The following FUT8 variants were observed in gnomAD, a reference collection of about 807,000 sequenced individuals.
FUT8 encodes the protein fucosyltransferase 8.
FUT8 carries 29 observed loss-of-function variants against 71.3 expected under a neutral mutation model. The observed-to-expected ratio is 0.41, with a 90% CI of 0.30 to 0.55. The LOEUF (loss-of-function observed/expected upper bound fraction) is 0.55, where lower values mean the gene tolerates loss of function less well. Ranked by LOEUF, FUT8 falls within the 20% of genes least tolerant of loss-of-function variation. The pLI, the probability that FUT8 is intolerant of heterozygous loss-of-function variation, is 0.34. For synonymous variants in FUT8, 254 were observed against 239.3 expected (o/e 1.06, Z -0.57); for missense variants, 544 against 702.1 (o/e 0.77, Z 2.55).
intron 3 of FUT8, among the ~76,000 whole-genome samples, chr14:65,596,959 A>G (rs1888013433): frequency 3.3e-5 from 5 of 152,232 alleles, no homozygotes. Flanking sequence ...TTTGAGGGCT[A>G]TACCATAAAA....
chr14:65,471,845 A>G (rs1349958184), intron 2 of FUT8, among the ~76,000 whole-genome samples: 1 of 151,460 alleles, frequency 6.6e-6, no homozygotes, highest in Non-Finnish European at 1.5e-5. Context: ...ACCATTTTTG[A>G]TGCTTTTGTA....
chr14:65,712,153 A>G (rs1894837776), intron 7 of FUT8, among the ~76,000 whole-genome samples: 1 of 152,160 alleles, frequency 6.6e-6, no homozygotes, highest in East Asian at 1.9e-4. Flanking sequence ...AGTACATTTT[A>G]TGGTAGTGAA....
At chr14:65,490,946 T>C (rs1040582700) in intron 2 of FUT8, among the ~76,000 whole-genome samples, 1 of 152,168 alleles carries the variant, frequency 6.6e-6, no homozygotes, top group Non-Finnish European at 1.5e-5. Context: ...CAGAATCTGG[T>C]TCAAAATTGT....
intron 7 of FUT8, among the ~76,000 whole-genome samples, chr14:65,687,730 T>C (rs1157671387): frequency 6.9e-6 from 1 of 145,216 alleles, no homozygotes; most frequent in Non-Finnish European, 1.5e-5. Flanking sequence ...GTGCCAGCCA[T>C]GACTTATTCT....
At chr14:65,392,856 A>C in the FUT8 span, among the ~76,000 whole-genome samples, 223 of 152,358 alleles carry the variant, frequency 1.5e-3, 2 homozygotes, top group African/African-American at 5.1e-3. Flanking sequence ...ATAAAAATGC[A>C]GAACACCCAG....
At chr14:65,404,017 C>T in the FUT8 span, among the ~76,000 whole-genome samples, 1 of 151,818 alleles carries the variant, frequency 6.6e-6, no homozygotes, top group South Asian at 2.1e-4. Flanking sequence ...CCTGCCTCAA[C>T]CTCTTGAGTA....
intron 2 of FUT8, among the ~76,000 whole-genome samples, chr14:65,555,713 C>T (rs1314600486): frequency 1.3e-5 from 2 of 152,278 alleles, no homozygotes; most frequent in East Asian, 3.9e-4. Context: ...ACATTACAGT[C>T]TTCTTTGACC....
rs191280372 is a variant in FUT8, at chr14:65,499,483, T to C, written c.-228+43765T>C. Among the ~76,000 whole-genome samples, 18 of 152,190 alleles carry C rather than the reference T, an allele frequency of 1.2e-4. 1 individual carries two copies. In the South Asian group the frequency reaches 1.9e-3, roughly 16 times the overall value. Reference sequence around the variant, plus strand: ...TGCCATAACTAATTATTAATAAATATCTACTTTATAGGTGTGTTGATGATT... The same window carrying C: ...TGCCATAACTAATTATTAATAAATACCTACTTTATAGGTGTGTTGATGATT... On this transcript the variant is annotated intron_variant, in intron 2 of 10. Coordinates refer to ENST00000673929, the MANE Select transcript of FUT8 (RefSeq NM_001371533.1).
chr14:65,596,650 G>A (rs1887997089), intron 3 of FUT8, among the ~76,000 whole-genome samples: 1 of 152,152 alleles, frequency 6.6e-6, no homozygotes, highest in South Asian at 2.1e-4. Context: ...CTTTAGGGTA[G>A]CATAAGAAGA....
chr14:65,604,196 A>G (rs953493787), intron 3 of FUT8, among the ~76,000 whole-genome samples: 2 of 151,922 alleles, frequency 1.3e-5, no homozygotes, highest in Non-Finnish European at 2.9e-5. Flanking sequence ...CAGGTCATCA[A>G]GACAGAAAGT....
At chr14:65,696,050 C>T (rs1198172668) in intron 7 of FUT8, among the ~76,000 whole-genome samples, 1 of 152,112 alleles carries the variant, frequency 6.6e-6, no homozygotes, top group Non-Finnish European at 1.5e-5. Flanking sequence ...TCTCTCCCAT[C>T]CCGTAAAGCA....
chr14:65,409,711 G>A (rs572859135), upstream of FUT8, among the ~76,000 whole-genome samples: 3 of 152,122 alleles, frequency 2.0e-5, no homozygotes, highest in Non-Finnish European at 4.4e-5. The surrounding 1 kb of genome is among the most constrained non-coding windows in gnomAD (Gnocchi z 5.4). Context: ...TTCTTGCCCC[G>A]GGACACCCGA....
intron 1 of FUT8, among the ~76,000 whole-genome samples, chr14:65,423,362 C>T (rs568365640): frequency 2.0e-5 from 3 of 150,956 alleles, no homozygotes; most frequent in Admixed American, 6.6e-5. Flanking sequence ...CCCAGGTTCA[C>T]GCCATTCTCC....
intron 3 of FUT8, among the ~76,000 whole-genome samples, chr14:65,614,602 G>A (rs184392075): frequency 6.6e-6 from 1 of 152,234 alleles, no homozygotes; most frequent in Admixed American, 6.5e-5. Flanking sequence ...TTGTTCGTTC[G>A]TTTGCCTTTT....
intron 2 of FUT8, among the ~76,000 whole-genome samples, chr14:65,538,878 G>A (rs778396723): frequency 6.6e-6 from 1 of 152,082 alleles, no homozygotes; most frequent in Non-Finnish European, 1.5e-5. Flanking sequence ...CCAAGATCGC[G>A]CCATTGCACT....
chr14:65,589,932 A>T (rs937111076), intron 3 of FUT8, among the ~76,000 whole-genome samples: 1 of 152,226 alleles, frequency 6.6e-6, no homozygotes, highest in African/African-American at 2.4e-5. Context: ...AAAGGGGTAT[A>T]CATTGGCATG....
At chr14:65,648,650 C>A (rs1490783548) in intron 6 of FUT8, among the ~76,000 whole-genome samples, 2 of 152,150 alleles carry the variant, frequency 1.3e-5, no homozygotes, top group East Asian at 3.8e-4. Flanking sequence ...ATATTGGGAC[C>A]AAATCCCAAT....
chr14:65,578,372 T>G (rs1017263015), intron 3 of FUT8, among the ~76,000 whole-genome samples: 2 of 152,202 alleles, frequency 1.3e-5, no homozygotes, highest in African/African-American at 4.8e-5. Flanking sequence ...GGGCTATTTC[T>G]TACGTTTCTT....
At chr14:65,534,322 A>G (rs1884148761) in intron 2 of FUT8, among the ~76,000 whole-genome samples, 1 of 150,744 alleles carries the variant, frequency 6.6e-6, no homozygotes, top group South Asian at 2.1e-4. Flanking sequence ...ATTTTATTTT[A>G]TTTTTAGAGA....
Sources: gnomAD v4.1 joint callset for allele counts (sites outside exome capture counted in the v4.1 genomes callset) on GRCh38, gnomAD v4.1.1 for gene constraint, Gnocchi (gnomAD v3.1) non-coding constraint, MANE v1.5 for transcripts, NCBI Gene and HGNC (gene_info 2026-07-23, HGNC 2026-07-21) for gene names.